The following ANTXR1 variants were observed in gnomAD, a reference collection of about 807,000 sequenced individuals.
ANTXR1 encodes the protein ANTXR cell adhesion molecule 1, also known as anthrax toxin receptor 1.
In ANTXR1, 19 loss-of-function variants were observed where a neutral mutation model predicts 78.1. The ratio of observed to expected loss-of-function variants is 0.24; its 90% CI spans 0.17 to 0.36. ANTXR1 has a LOEUF of 0.36. ANTXR1 is among the 10% of genes least tolerant of loss of function. The probability of loss-of-function intolerance (pLI) is 1.00; values close to 1 mark genes in which losing one functional copy is unlikely to be tolerated. For synonymous variants in ANTXR1, 273 were observed against 260.5 expected, an observed-to-expected ratio of 1.05 and a Z score of -0.46; for missense variants, 518 against 718.6, an observed-to-expected ratio of 0.72 and a Z score of 3.19.
chr2:69,216,481 A>G (rs575161524), intron 17 of ANTXR1, among the ~76,000 whole-genome samples: 4 of 152,262 alleles, frequency 2.6e-5, no homozygotes, highest in South Asian at 2.1e-4. Flanking sequence ...ATGCACATAT[A>G]TACACACATG....
chr2:69,050,861 T>A (rs1341993333), intron 3 of ANTXR1, among the ~76,000 whole-genome samples: 1 of 152,196 alleles, frequency 6.6e-6, no homozygotes, highest in Non-Finnish European at 1.5e-5. Context: ...ACCTAATGGT[T>A]TGTTTCTTAA....
intron 10 of ANTXR1, among the ~76,000 whole-genome samples, chr2:69,118,743 G>A (rs559997760): frequency 8.5e-5 from 13 of 152,318 alleles, no homozygotes; most frequent in South Asian, 8.3e-4. Flanking sequence ...TGGCACGGCC[G>A]AGGTGCAGCA....
At chr2:69,161,511 A>T (rs559551771) in intron 13 of ANTXR1, among the ~76,000 whole-genome samples, 102 of 152,348 alleles carry the variant, frequency 6.7e-4, no homozygotes, top group African/African-American at 2.4e-3. Flanking sequence ...GGATTCAGGC[A>T]GTCCTTGGCC....
chr2:69,029,585 A>G lies in ANTXR1; in HGVS notation c.153-10459A>G, dbSNP rs188310366. Among the ~76,000 whole-genome samples the G allele has an allele frequency of 1.0e-3, 154 of 152,004 alleles. 4 individuals are homozygous for G. The East Asian group carries it at 0.022, about 21-fold the overall frequency. On this transcript the variant is annotated intron_variant, in intron 1 of 17. Transcript: ENST00000303714. ...AAAGAAAAAAAAATAGGCTCAACAA[A>G]AAGGAAAGTGAGATTCAGACTGGCG... is the stretch of plus-strand genomic sequence containing the variant.
intron 5 of ANTXR1, among the ~76,000 whole-genome samples, chr2:69,072,191 C>T (rs1202137129): frequency 6.6e-6 from 1 of 152,138 alleles, no homozygotes; most frequent in Non-Finnish European, 1.5e-5. Flanking sequence ...ACATTAAGAT[C>T]AAAATACCAG....
At chr2:69,123,600 C>T (rs985292120) in intron 11 of ANTXR1, among the ~76,000 whole-genome samples, 1 of 152,222 alleles carries the variant, frequency 6.6e-6, no homozygotes, top group South Asian at 2.1e-4. Flanking sequence ...ATGTCCCACA[C>T]GGTGCTCCTT....
At chr2:69,114,610 T>G (rs1198263180) in intron 10 of ANTXR1, among the ~76,000 whole-genome samples, 1 of 152,168 alleles carries the variant, frequency 6.6e-6, no homozygotes, top group Non-Finnish European at 1.5e-5. Flanking sequence ...CCTGTATTGG[T>G]ATTTGTATGT....
rs183234667 is a variant in ANTXR1 at position 69,103,999 on chromosome 2, C to T, written c.802+1059C>T. ...TGTTGTCCAGGCTGGAGTACAATGGCACGATCTCAGCTCACTGCAACCTCC... is the reference window on the plus strand; with the variant it reads ...TGTTGTCCAGGCTGGAGTACAATGGTACGATCTCAGCTCACTGCAACCTCC... On this transcript the variant is annotated intron_variant, in intron 10 of 17. Transcript: ENST00000303714. 2.4e-3 allele frequency among the ~76,000 whole-genome samples: 361 copies of T among 147,558 alleles called. 2 individuals are homozygous for T. The highest frequency in any genetic ancestry group is 8.6e-3 in the African/African-American group (333 of 38,822).
intron 3 of ANTXR1, among the ~76,000 whole-genome samples, chr2:69,059,563 C>T (rs900040668): frequency 2.0e-5 from 3 of 152,102 alleles, no homozygotes; most frequent in Non-Finnish European, 2.9e-5. Flanking sequence ...ACTGCAACCT[C>T]CGTCTCCCTG....
At chr2:69,238,090 C>T (rs1183701383) in intron 17 of ANTXR1, among the ~76,000 whole-genome samples, 1 of 152,222 alleles carries the variant, frequency 6.6e-6, no homozygotes, top group Non-Finnish European at 1.5e-5. Flanking sequence ...CCCTCATCCC[C>T]AGCTTCCCAC....
rs1670769568 is a variant in ANTXR1 at position 69,077,467 on chromosome 2, T to C, written c.621T>C (p.Ala207=). 6.2e-7 allele frequency: 1 copy of C among 1,614,046 alleles called. No individual in the cohort carries two copies. The highest frequency in any genetic ancestry group is 8.5e-7 in the Non-Finnish European group (1 of 1,180,036). ...HVFPVNDGFQ[A]LQGIIHSILK... ...TTCCCGTGAATGACGGCTTTCAGGC[T>C]CTGCAAGGCATCATCCACTCAGTAA... The change falls in exon 8 of 18, where the codon GCT becomes GCC. Residue 207 remains alanine, a synonymous_variant. Transcript: ENST00000303714.
chr2:69,231,985 C>T (rs1027489104), intron 17 of ANTXR1, among the ~76,000 whole-genome samples: 2 of 152,062 alleles, frequency 1.3e-5, no homozygotes, highest in South Asian at 4.2e-4. Flanking sequence ...GATAAGCTAC[C>T]ACCACCACAA....
At chr2:69,055,166 G>A (rs2104135672) in intron 3 of ANTXR1, among the ~76,000 whole-genome samples, 1 of 152,240 alleles carries the variant, frequency 6.6e-6, no homozygotes, top group South Asian at 2.1e-4. Flanking sequence ...AATCCTCCTG[G>A]ACAAATCCCA....
chr2:69,165,707 A>G (rs1217342917), intron 13 of ANTXR1, among the ~76,000 whole-genome samples: 3 of 152,272 alleles, frequency 2.0e-5, no homozygotes. Context: ...GTCATCTGGT[A>G]GGTGGGAAAG....
At chr2:69,055,890 T>A (rs999722116) in intron 3 of ANTXR1, among the ~76,000 whole-genome samples, 8 of 152,150 alleles carry the variant, frequency 5.3e-5, no homozygotes, top group Admixed American at 1.3e-4. Flanking sequence ...CAATTTGGGC[T>A]CCACCACCAT....
chr2:69,203,027 G>A (rs1343475676), intron 17 of ANTXR1, among the ~76,000 whole-genome samples: 1 of 152,162 alleles, frequency 6.6e-6, no homozygotes, highest in Non-Finnish European at 1.5e-5. Flanking sequence ...AAAGAACCAA[G>A]TTATCTACAT....
intron 12 of ANTXR1, among the ~76,000 whole-genome samples, chr2:69,132,339 C>T (rs556153715): frequency 5.2e-4 from 79 of 152,332 alleles, no homozygotes; most frequent in African/African-American, 1.5e-3. Flanking sequence ...GACCATCCCC[C>T]GCACAGTCTT....
intron 9 of ANTXR1, among the ~76,000 whole-genome samples, chr2:69,092,393 T>C (rs933501923): frequency 2.6e-5 from 4 of 152,244 alleles, no homozygotes; most frequent in African/African-American, 9.6e-5. Flanking sequence ...TGTAAAGATA[T>C]AAAGTTGTTA....
intron 17 of ANTXR1, among the ~76,000 whole-genome samples, chr2:69,238,337 G>C (rs747326480): frequency 4.6e-5 from 7 of 152,162 alleles, no homozygotes; most frequent in Non-Finnish European, 7.3e-5. Flanking sequence ...TGAGGACAGG[G>C]ACCTCAACAT....
Sources: allele counts gnomAD v4.1 joint callset (sites outside exome capture counted in the v4.1 genomes callset), GRCh38; gene constraint gnomAD v4.1.1; transcripts MANE v1.5; gene names NCBI Gene and HGNC (gene_info 2026-07-23, HGNC 2026-07-21).